The following ERC2 variants were observed in gnomAD, a reference collection of about 807,000 sequenced individuals.
ERC2 encodes ELKS/RAB6-interacting/CAST family member 2.
A neutral mutation model predicts 114.8 loss-of-function variants in ERC2; 42 were observed. The observed-to-expected ratio is 0.37, with a 90% confidence interval of 0.29 to 0.47. The LOEUF is 0.47. ERC2 is among the 20% of genes least tolerant of loss of function. The probability of loss-of-function intolerance (pLI) is 0.99; values close to 1 mark genes in which losing one functional copy is unlikely to be tolerated. For missense variants in ERC2, 939 were observed against 1,150.7 expected (o/e 0.82, Z 2.66); for synonymous variants, 454 against 425.5 (o/e 1.07, Z -0.82).
chr3:55,671,155 C>A (rs1368567020), intron 17 of ERC2, among the ~76,000 whole-genome samples: 2 of 152,190 alleles, frequency 1.3e-5, no homozygotes, highest in Non-Finnish European at 2.9e-5. Flanking sequence ...CATTACAGAT[C>A]ATCATTAACA....
chr3:55,978,392 C>T (rs1361052132), intron 12 of ERC2, among the ~76,000 whole-genome samples: 2 of 152,184 alleles, frequency 1.3e-5, no homozygotes, highest in African/African-American at 4.8e-5. Context: ...AAGCATGCAG[C>T]AGGATTCTGT....
intron 12 of ERC2, among the ~76,000 whole-genome samples, chr3:55,970,994 A>C (rs1259146468): frequency 6.6e-6 from 1 of 152,234 alleles, no homozygotes; most frequent in Non-Finnish European, 1.5e-5. Flanking sequence ...ACACAATGGA[A>C]TATTATCAAT....
intron 3 of ERC2, among the ~76,000 whole-genome samples, chr3:56,284,440 C>T (rs1360986014): frequency 6.6e-6 from 1 of 152,116 alleles, no homozygotes; most frequent in East Asian, 1.9e-4. Flanking sequence ...TGTGTGGTCA[C>T]AATGTTTTAA....
intron 14 of ERC2, among the ~76,000 whole-genome samples, chr3:55,810,256 TA>T (rs2059663659): frequency 6.6e-6 from 1 of 152,124 alleles, no homozygotes; most frequent in African/African-American, 2.4e-5. Context: ...CAACAAACTA[TA>T]ATGTCATCAA....
At chr3:55,615,652 A>G (rs1181979572) in intron 17 of ERC2, among the ~76,000 whole-genome samples, 1 of 152,188 alleles carries the variant, frequency 6.6e-6, no homozygotes, top group African/African-American at 2.4e-5. Flanking sequence ...GAAAAAAAAT[A>G]CCTCATTTGT....
Position 55,819,745 on chromosome 3 carries a change from G to A in ERC2, c.2564+68644C>T, listed in dbSNP as rs140116278. On this transcript the variant is annotated intron_variant, in intron 14 of 17. Transcript: ENST00000288221. Reference sequence around the variant, plus strand: ...GCAGAGACAAGTGCCGCTTTGGAATGCTGCACCAGACTCCATGGCCATGCA... The same window carrying A: ...GCAGAGACAAGTGCCGCTTTGGAATACTGCACCAGACTCCATGGCCATGCA... Among the ~76,000 whole-genome samples, 488 of 152,318 alleles carry A rather than the reference G, an allele frequency of 3.2e-3. 2 individuals are homozygous for A. The highest frequency in any genetic ancestry group is 0.011 in the African/African-American group (467 of 41,576).
intron 7 of ERC2, among the ~76,000 whole-genome samples, chr3:56,032,033 G>A (rs543300597): frequency 2.6e-4 from 40 of 152,244 alleles, no homozygotes; most frequent in African/African-American, 8.7e-4. Context: ...ATTCCAATGA[G>A]AACTGGTTGT....
In ERC2 at chr3:56,425,668, T is replaced by C. The variant is rs139438922; in HGVS notation, c.657+8683A>G. Among the ~76,000 whole-genome samples, 101 of 151,838 alleles carry C rather than the reference T, an allele frequency of 6.7e-4. No homozygotes were observed. In the East Asian group the frequency reaches 0.018, roughly 27 times the overall value. ...GTAAGGAAGTTTCTTCATTTGAATG[T>C]GTAAGGTCCTTTAAGATTTCATTGA... On this transcript the variant is annotated intron_variant, in intron 2 of 17. Coordinates refer to ENST00000288221, the MANE Select transcript of ERC2 (RefSeq NM_015576.3).
intron 7 of ERC2, among the ~76,000 whole-genome samples, chr3:56,078,246 TTAA>T (rs1207984135): frequency 2.6e-5 from 4 of 152,202 alleles, no homozygotes; most frequent in Non-Finnish European, 5.9e-5. Flanking sequence ...CAGAAATGAA[TTAA>T]TAATATGATT....
intron 14 of ERC2, among the ~76,000 whole-genome samples, chr3:55,859,946 A>G (rs2061959508): frequency 6.6e-6 from 1 of 152,152 alleles, no homozygotes; most frequent in Non-Finnish European, 1.5e-5. Context: ...TTCAGAGAGT[A>G]GAAAAGGTTT....
intron 2 of ERC2, among the ~76,000 whole-genome samples, chr3:56,320,939 T>C (rs965030890): frequency 1.3e-5 from 2 of 152,218 alleles, no homozygotes; most frequent in South Asian, 2.1e-4. Context: ...CTGCCCATTG[T>C]AGCCCCTCAA....
intron 13 of ERC2, among the ~76,000 whole-genome samples, chr3:55,912,070 T>G (rs1432290983): frequency 6.6e-6 from 1 of 152,206 alleles, no homozygotes; most frequent in African/African-American, 2.4e-5. Context: ...GAAGGCTGTA[T>G]GAGTTTCCTC....
At chr3:56,079,882 C>T (rs533747342) in intron 7 of ERC2, among the ~76,000 whole-genome samples, 19 of 152,190 alleles carry the variant, frequency 1.2e-4, no homozygotes, top group Admixed American at 3.9e-4. Context: ...TGTAGATCAA[C>T]GCCAGGTGAG....
chr3:56,212,699 C>T (rs1308213789), intron 3 of ERC2, among the ~76,000 whole-genome samples: 1 of 152,042 alleles, frequency 6.6e-6, no homozygotes, highest in African/African-American at 2.4e-5. Context: ...ATGGAACCAG[C>T]CCAAATGCCC....
At chr3:55,759,802 T>G (rs2067308778) in intron 14 of ERC2, among the ~76,000 whole-genome samples, 1 of 152,262 alleles carries the variant, frequency 6.6e-6, no homozygotes, top group Non-Finnish European at 1.5e-5. Flanking sequence ...TTATGGTTGA[T>G]TTTGAAGAGC....
intron 4 of ERC2, among the ~76,000 whole-genome samples, chr3:56,156,739 T>C (rs576112169): frequency 6.6e-6 from 1 of 152,276 alleles, no homozygotes; most frequent in Non-Finnish European, 1.5e-5. Context: ...TTAAAAATCA[T>C]TTCCATGTGC....
chr3:55,942,433 C>T lies in ERC2; in HGVS notation c.2403+7992G>A, dbSNP rs527392129. 4.7e-5 allele frequency among the ~76,000 whole-genome samples: 7 copies of T among 147,828 alleles called. No individual in the cohort carries two copies. In the East Asian group the frequency reaches 5.9e-4, roughly 13 times the overall value. On this transcript the variant is annotated intron_variant, in intron 13 of 17. Coordinates refer to ENST00000288221, the MANE Select transcript of ERC2 (RefSeq NM_015576.3). ...CCTCCCAAGTAGCTGGGACTACAGG[C>T]GCCCGCCACTACGCCCGGCTAATTT...
At position 56,309,592 on chromosome 3, in the gene ERC2, T is replaced by C. The variant is rs571258897; in HGVS notation, c.658-13157A>G. Among the ~76,000 whole-genome samples, 3 of 152,314 alleles carry C rather than the reference T, an allele frequency of 2.0e-5. No homozygotes were observed. The South Asian group carries it at 6.2e-4, about 32-fold the overall frequency. ...GAAGAGTTGAGTTTTGAATCCTGGA[T>C]CTACCCATGACAGCCTGTGATGCCT... On this transcript the variant is annotated intron_variant, in intron 2 of 17. Coordinates refer to ENST00000288221, the MANE Select transcript of ERC2 (RefSeq NM_015576.3).
intron 17 of ERC2, among the ~76,000 whole-genome samples, chr3:55,513,756 C>T (rs1269599695): frequency 2.6e-5 from 4 of 152,134 alleles, no homozygotes; most frequent in South Asian, 2.1e-4. Flanking sequence ...AGCTCAGCCC[C>T]TCAAGGAGCT....
Sources: allele counts gnomAD v4.1 joint callset (sites outside exome capture counted in the v4.1 genomes callset), GRCh38; gene constraint gnomAD v4.1.1; transcripts MANE v1.5; gene names NCBI Gene and HGNC (gene_info 2026-07-23, HGNC 2026-07-21).